LNX2: variants seen among roughly 807,000 people sequenced by gnomAD.
LNX2 encodes the protein ligand of numb-protein X 2, also known as ligand of Numb protein X 2.
A neutral mutation model predicts 66.2 loss-of-function variants in LNX2; 35 were observed. The observed-to-expected ratio is 0.53, with a 90% CI of 0.40 to 0.70. The LOEUF (loss-of-function observed/expected upper bound fraction) is 0.70. Ranked by LOEUF, LNX2 falls within the 30% of genes least tolerant of loss-of-function variation. The probability of loss-of-function intolerance (pLI) is 0.00; values close to 1 mark genes in which losing one functional copy is unlikely to be tolerated. For missense variants in LNX2, 791 were observed against 850.8 expected, an observed-to-expected ratio of 0.93 and a Z score of 0.87; for synonymous variants, 337 against 315.6, an observed-to-expected ratio of 1.07 and a Z score of -0.72.
intron 4 of LNX2, among the ~76,000 whole-genome samples, chr13:27,563,245 T>C (rs1202343285): frequency 6.6e-6 from 1 of 152,202 alleles, no homozygotes; most frequent in Non-Finnish European, 1.5e-5. Context: ...ATTTGCTTCT[T>C]CCAAATTAAA....
intron 2 of LNX2, among the ~76,000 whole-genome samples, chr13:27,576,096 A>G (rs1955337393): frequency 6.6e-6 from 1 of 152,234 alleles, no homozygotes; most frequent in African/African-American, 2.4e-5. Context: ...CTTCAGATTC[A>G]AAGACATAAA....
intron 1 of LNX2, among the ~76,000 whole-genome samples, chr13:27,596,647 CCTTTCCAAACAAAAT>C (rs1213889914): frequency 6.6e-6 from 1 of 152,192 alleles, no homozygotes; most frequent in Non-Finnish European, 1.5e-5. Flanking sequence ...CTCTTACCCA[CCTTTCCAAACAAAAT>C]CTTTCCAAAT....
At position 27,569,014 on chromosome 13, in the gene LNX2, T is replaced by A. The variant is rs752496540; in HGVS notation, c.655+15A>T. Reference sequence around the variant, plus strand: ...AAATAGAGATGAAATACACAAGGAGTTGCACCACACATACTGTCAGCTCCA... The same window carrying A: ...AAATAGAGATGAAATACACAAGGAGATGCACCACACATACTGTCAGCTCCA... On this transcript the variant is annotated intron_variant, in intron 3 of 9. Transcript: ENST00000316334. 3.1e-6 allele frequency: 5 copies of A among 1,602,420 alleles called. No homozygotes were observed. Among genetic ancestry groups the A allele is most frequent in the Non-Finnish European group, 4.3e-6 (5 of 1,175,900 alleles).
chr13:27,571,659 G>C (rs1955281310), intron 2 of LNX2, among the ~76,000 whole-genome samples: 1 of 152,024 alleles, frequency 6.6e-6, no homozygotes, highest in Admixed American at 6.5e-5. Flanking sequence ...AATTTACAAT[G>C]AATTTATAAA....
chr13:27,563,181 T>C (rs1177377934), intron 4 of LNX2, among the ~76,000 whole-genome samples: 1 of 152,224 alleles, frequency 6.6e-6, no homozygotes, highest in African/African-American at 2.4e-5. Flanking sequence ...CAAGTGCTAA[T>C]GAAATAAATA....
At chr13:27,616,190 G>C (rs1400244482) in intron 1 of LNX2, among the ~76,000 whole-genome samples, 2 of 150,122 alleles carry the variant, frequency 1.3e-5, no homozygotes, top group Non-Finnish European at 3.0e-5. Flanking sequence ...GGGGGGTTGG[G>C]GGGGGTAGCA....
At chr13:27,566,723 GAT>G (rs1410888576) in intron 4 of LNX2, among the ~76,000 whole-genome samples, 1 of 152,166 alleles carries the variant, frequency 6.6e-6, no homozygotes, top group Non-Finnish European at 1.5e-5. Context: ...GTAGGGGGTA[GAT>G]ATCAACAGGT....
chr13:27,594,021 G>T (rs1421466816), intron 1 of LNX2, among the ~76,000 whole-genome samples: 1 of 152,058 alleles, frequency 6.6e-6, no homozygotes, highest in African/African-American at 2.4e-5. Flanking sequence ...GTGAAAGGAA[G>T]ACTTCTGATT....
intron 1 of LNX2, among the ~76,000 whole-genome samples, chr13:27,582,101 C>G (rs1300491465): frequency 6.6e-6 from 1 of 152,156 alleles, no homozygotes; most frequent in African/African-American, 2.4e-5. Context: ...GCAATCTCAG[C>G]TCACTGCAAC....
In LNX2 at chr13:27,582,545, T is replaced by C. The variant is rs535703413; in HGVS notation, c.-100-742A>G. Reference sequence around the variant, plus strand: ...GCATGTCATCTTAGACATGCTTCTTTGCTTCTGATTGATTTTACACATTTA... The same window carrying C: ...GCATGTCATCTTAGACATGCTTCTTCGCTTCTGATTGATTTTACACATTTA... On this transcript the variant is annotated intron_variant, in intron 1 of 9. Coordinates refer to ENST00000316334, the MANE Select transcript of LNX2 (RefSeq NM_153371.4). Among the ~76,000 whole-genome samples, 6 of 152,316 alleles carry C rather than the reference T, an allele frequency of 3.9e-5. No homozygotes were observed. In the South Asian group the frequency reaches 1.2e-3, roughly 32 times the overall value.
At chr13:27,605,715 C>T (rs1043850265) in intron 1 of LNX2, among the ~76,000 whole-genome samples, 3 of 152,104 alleles carry the variant, frequency 2.0e-5, no homozygotes, top group Non-Finnish European at 4.4e-5. Flanking sequence ...CAATTAACTA[C>T]TGAATGAAAC....
intron 1 of LNX2, among the ~76,000 whole-genome samples, chr13:27,591,183 C>T (rs1955543233): frequency 6.6e-6 from 1 of 152,188 alleles, no homozygotes; most frequent in Non-Finnish European, 1.5e-5. Context: ...CATGTGCTGA[C>T]ACAATGTCTT....
In LNX2 at chr13:27,553,195, A is replaced by G; in HGVS notation, c.1778+13T>C. On this transcript the variant is annotated intron_variant, in intron 8 of 9. Transcript: ENST00000316334. ...TTATGATTTCCATAAAGCAACAAGA[A>G]AGCGCTCAGTACCTGGGAAGCCCAA... 6.2e-7 allele frequency: 1 copy of G among 1,607,844 alleles called. No individual in the cohort carries two copies. Among genetic ancestry groups the G allele is most frequent in the East Asian group, 2.2e-5 (1 of 44,842 alleles).
At chr13:27,576,562 C>CA (rs35339735) in intron 2 of LNX2, among the ~76,000 whole-genome samples, 72,003 of 141,076 alleles carry the variant, frequency 0.51, 17,802 homozygotes, top group Middle Eastern at 0.62. Flanking sequence ...ACTAAAAGCA[C>CA]AAAAAAAAAA....
chr13:27,610,089 C>A (rs1955757604), intron 1 of LNX2, among the ~76,000 whole-genome samples: 1 of 152,156 alleles, frequency 6.6e-6, no homozygotes, highest in Non-Finnish European at 1.5e-5. Flanking sequence ...CACTTGAAAT[C>A]TATTAAATAG....
intron 2 of LNX2, among the ~76,000 whole-genome samples, chr13:27,572,480 G>A (rs1955293795): frequency 6.6e-6 from 1 of 152,224 alleles, no homozygotes; most frequent in South Asian, 2.1e-4. Context: ...TGGGCTGAGG[G>A]CTGCACCTCC....
At chr13:27,618,475 T>A (rs1266237661) in intron 1 of LNX2, among the ~76,000 whole-genome samples, 2 of 151,614 alleles carry the variant, frequency 1.3e-5, no homozygotes, top group African/African-American at 4.8e-5. Context: ...AGTCTCCATA[T>A]CGCCCATCTG....
chr13:27,585,625 C>T (rs1232307313), intron 1 of LNX2, among the ~76,000 whole-genome samples: 5 of 151,996 alleles, frequency 3.3e-5, no homozygotes, highest in African/African-American at 1.2e-4. Flanking sequence ...GAGAAACATC[C>T]TGTATCTCAG....
At chr13:27,568,213 A>G (rs908517288) in intron 3 of LNX2, among the ~76,000 whole-genome samples, 2 of 152,228 alleles carry the variant, frequency 1.3e-5, no homozygotes, top group African/African-American at 4.8e-5. Flanking sequence ...TGTGGCATAG[A>G]AACAGCACAG....
Sources: allele counts gnomAD v4.1 joint callset (sites outside exome capture counted in the v4.1 genomes callset), GRCh38; gene constraint gnomAD v4.1.1; transcripts MANE v1.5; gene names NCBI Gene and HGNC (gene_info 2026-07-23, HGNC 2026-07-21).